The following OSMR variants were observed in gnomAD, a reference collection of about 807,000 sequenced individuals.
OSMR encodes the protein oncostatin-M-specific receptor subunit beta.
A neutral mutation model predicts 99.9 loss-of-function variants in OSMR; 81 were observed. The observed-to-expected ratio is 0.81, with a 90% confidence interval of 0.68 to 0.97. The LOEUF is 0.97. Ranked by LOEUF, OSMR falls within the 50% of genes least tolerant of loss-of-function variation. OSMR has a pLI of 0.00. For missense variants in OSMR, 1,099 were observed against 1,153.4 expected, an observed-to-expected ratio of 0.95 and a Z score of 0.68; for synonymous variants, 406 against 410.4, an observed-to-expected ratio of 0.99 and a Z score of 0.13.
intron 4 of OSMR, 164 bp from the exon 5 acceptor site, chr5:38,883,663 T>C (rs1448768477): frequency 2.0e-6 from 2 of 983,402 alleles, no homozygotes; most frequent in Non-Finnish European, 2.4e-6. Flanking sequence ...AAGGATTGTC[T>C]TGCATGCACC....
chr5:38,918,735 T>C, intron 10 of OSMR, 105 bp from the exon 11 acceptor site: 1 of 1,538,078 alleles, frequency 6.5e-7, no homozygotes. Context: ...TTTTCTGGTG[T>C]GTGCGTATAT....
chr5:38,944,555 G>C (rs777877219), intron 2 of OSMR: 1 of 1,599,892 alleles, frequency 6.3e-7, no homozygotes, highest in Non-Finnish European at 8.5e-7. Flanking sequence ...GTATCATCTG[G>C]AATTGTTTTA....
At chr5:38,852,256 A>G (rs1740431905) in intron 1 of OSMR, among the ~76,000 whole-genome samples, 1 of 152,180 alleles carries the variant, frequency 6.6e-6, no homozygotes, top group South Asian at 2.1e-4. Flanking sequence ...CAGTCTTTAA[A>G]CACATTTGCG....
intron 1 of OSMR, among the ~76,000 whole-genome samples, chr5:38,854,465 A>T (rs1411822658): frequency 1.3e-5 from 2 of 152,130 alleles, no homozygotes; most frequent in African/African-American, 4.8e-5. Flanking sequence ...GAGATTTTGC[A>T]AAGAGACAAG....
At chr5:38,893,545 C>T (rs1053921592) in intron 7 of OSMR, among the ~76,000 whole-genome samples, 5 of 152,056 alleles carry the variant, frequency 3.3e-5, no homozygotes, top group African/African-American at 4.8e-5. Flanking sequence ...CAATTTAAAG[C>T]TTTATTAATA....
At chr5:38,930,689 A>AAAAG (rs2112695974) in intron 15 of OSMR, among the ~76,000 whole-genome samples, 1 of 152,364 alleles carries the variant, frequency 6.6e-6, no homozygotes, top group South Asian at 2.1e-4. Context: ...TCTCTGAAAG[A>AAAAG]AAAGATGTTT....
intron 15 of OSMR, among the ~76,000 whole-genome samples, chr5:38,930,986 G>A (rs184610574): frequency 2.7e-3 from 402 of 150,780 alleles, no homozygotes; most frequent in African/African-American, 8.1e-3. Context: ...TGGCCTTTGT[G>A]CAAGGTTGTG....
chr5:38,920,394 A>T (rs184849868), intron 11 of OSMR, among the ~76,000 whole-genome samples: 1 of 152,320 alleles, frequency 6.6e-6, no homozygotes, highest in East Asian at 1.9e-4. Context: ...CATATTTTCA[A>T]TTTAAAGAAA....
At chr5:38,868,302 A>G (rs1238298857) in intron 1 of OSMR, among the ~76,000 whole-genome samples, 2 of 152,164 alleles carry the variant, frequency 1.3e-5, no homozygotes, top group African/African-American at 4.8e-5. Flanking sequence ...GGTCTCAGCT[A>G]GAGCAGCTGA....
At chr5:38,907,652 C>T (rs529880119) in intron 9 of OSMR, among the ~76,000 whole-genome samples, 6 of 152,254 alleles carry the variant, frequency 3.9e-5, no homozygotes, top group Non-Finnish European at 1.5e-5. Flanking sequence ...TATGGTGCTT[C>T]CTAGGGGACC....
intron 1 of OSMR, among the ~76,000 whole-genome samples, chr5:38,855,975 G>C (rs1387150668): frequency 6.6e-6 from 1 of 151,948 alleles, no homozygotes; most frequent in African/African-American, 2.4e-5. Flanking sequence ...CTCCTCTCTA[G>C]TCACACCTGG....
At chr5:38,915,353 G>C (rs1262945596) in intron 9 of OSMR, among the ~76,000 whole-genome samples, 1 of 152,138 alleles carries the variant, frequency 6.6e-6, no homozygotes, top group African/African-American at 2.4e-5. Context: ...ATACTGATTT[G>C]CACCTTTCAA....
chr5:38,904,304 G>C (rs1406572605), intron 8 of OSMR, 49 bp from the exon 9 acceptor site: 1 of 1,578,642 alleles, frequency 6.3e-7, no homozygotes, highest in African/African-American at 1.4e-5. Context: ...CAATGTTTCT[G>C]TCTTGTTCTT....
intron 9 of OSMR, among the ~76,000 whole-genome samples, chr5:38,914,050 G>A (rs1272948082): frequency 6.6e-6 from 1 of 152,128 alleles, no homozygotes; most frequent in Non-Finnish European, 1.5e-5. Context: ...ATAAAACTCT[G>A]GTTTCATTTC....
intron 2 of OSMR, among the ~76,000 whole-genome samples, chr5:38,875,281 A>G (rs998160299): frequency 6.6e-6 from 1 of 152,234 alleles, no homozygotes; most frequent in African/African-American, 2.4e-5. Context: ...TTTACAATCT[A>G]TATGGTGTTT....
intron 1 of OSMR, among the ~76,000 whole-genome samples, chr5:38,848,677 T>A (rs1446576678): frequency 6.6e-6 from 1 of 152,226 alleles, no homozygotes; most frequent in African/African-American, 2.4e-5. Flanking sequence ...ATGCAAATTA[T>A]CTTACTATAC....
At chr5:38,884,157 G>T (rs1316256473) in intron 5 of OSMR, 46 bp downstream of exon 5, 1 of 1,336,944 alleles carries the variant, frequency 7.5e-7, no homozygotes, top group Non-Finnish European at 1.1e-6. Flanking sequence ...ATTTCCTGAG[G>T]AATAGATTAA....
chr5:38,862,108 C>CG (rs1161400363), intron 1 of OSMR, among the ~76,000 whole-genome samples: 1 of 112,604 alleles, frequency 8.9e-6, no homozygotes, highest in African/African-American at 3.4e-5. Context: ...GCTGACCCCC[C>CG]ACCTCCCTCC....
chr5:38,865,056 A>C (rs1300456996), intron 1 of OSMR, among the ~76,000 whole-genome samples: 1 of 152,038 alleles, frequency 6.6e-6, no homozygotes, highest in African/African-American at 2.4e-5. Context: ...GAAGCTCTTG[A>C]TTGTATTTTT....
Sources: gnomAD v4.1 joint callset for allele counts (sites outside exome capture counted in the v4.1 genomes callset) on GRCh38, gnomAD v4.1.1 for gene constraint, MANE v1.5 for transcripts, NCBI Gene and HGNC (gene_info 2026-07-23, HGNC 2026-07-21) for gene names.